The following SH3RF1 variants were observed in gnomAD, a reference collection of about 807,000 sequenced individuals.
SH3RF1 encodes SH3 domain containing ring finger 1.
Under a neutral mutation model 74.0 loss-of-function variants are expected in SH3RF1, and 32 were observed. The observed-to-expected ratio is 0.43, with a 90% CI of 0.33 to 0.58. SH3RF1 has a LOEUF of 0.58. SH3RF1 is among the 20% of genes least tolerant of loss of function. The pLI, the probability that SH3RF1 is intolerant of heterozygous loss-of-function variation, is 0.05. For missense variants in SH3RF1, 954 were observed against 1,130.9 expected (o/e 0.84, Z 2.24); for synonymous variants, 396 against 439.6 (o/e 0.90, Z 1.24).
At chr4:169,115,810 C>T (rs1733322758) in intron 10 of SH3RF1, among the ~76,000 whole-genome samples, 1 of 152,134 alleles carries the variant, frequency 6.6e-6, no homozygotes, top group African/African-American at 2.4e-5. Context: ...CCATAAGTAA[C>T]ACTTTTGATC....
rs1473809594 is a variant in SH3RF1, at chr4:169,238,027, T to C, written c.393+30793A>G. 2.6e-5 allele frequency among the ~76,000 whole-genome samples: 4 copies of C among 152,186 alleles called. No individual in the cohort carries two copies. In the East Asian group the frequency reaches 7.7e-4, roughly 29 times the overall value. On this transcript the variant is annotated intron_variant, in intron 2 of 11. Coordinates refer to ENST00000284637, the MANE Select transcript of SH3RF1 (RefSeq NM_020870.4). ...TACACTTGATGTCTCCTCTTAATAA[T>C]TTTCCCCTCTTAGTGAATTTTCCTC...
At chr4:169,119,185 C>A (rs1417558032) in intron 8 of SH3RF1, among the ~76,000 whole-genome samples, 2 of 151,680 alleles carry the variant, frequency 1.3e-5, no homozygotes, top group Non-Finnish European at 2.9e-5. Context: ...CTCACTGCAG[C>A]CTCCGCCTCC....
chr4:169,108,707 T>C (rs1733189953), intron 10 of SH3RF1, among the ~76,000 whole-genome samples: 1 of 152,256 alleles, frequency 6.6e-6, no homozygotes, highest in Non-Finnish European at 1.5e-5. Context: ...GCTTCACTCA[T>C]TCAATGCCAC....
At chr4:169,220,087 A>G (rs1730541322) in intron 2 of SH3RF1, 1 of 152,188 alleles carries the variant, frequency 6.6e-6, no homozygotes, top group African/African-American at 2.4e-5. Flanking sequence ...CAATCAGTCA[A>G]AGTGAATCAT....
At chr4:169,121,980 A>G in intron 7 of SH3RF1, 120 bp downstream of exon 7, 1 of 1,336,776 alleles carries the variant, frequency 7.5e-7, no homozygotes, top group Non-Finnish European at 1.0e-6. Flanking sequence ...CAGGACACAG[A>G]CCGCTTGGTG....
chr4:169,116,152 A>C, intron 10 of SH3RF1, 117 bp downstream of exon 10: 1 of 1,440,538 alleles, frequency 6.9e-7, no homozygotes, highest in Admixed American at 2.2e-5. Flanking sequence ...CGTAGGGAGC[A>C]CCTGAGGGTT....
intron 2 of SH3RF1, among the ~76,000 whole-genome samples, chr4:169,259,062 CT>C (rs1309277990): frequency 6.6e-6 from 1 of 152,114 alleles, no homozygotes; most frequent in Non-Finnish European, 1.5e-5. Context: ...CTAACTTTAG[CT>C]TTCTTTCTGT....
intron 2 of SH3RF1, among the ~76,000 whole-genome samples, chr4:169,233,261 A>C (rs899647317): frequency 6.7e-5 from 10 of 150,260 alleles, no homozygotes; most frequent in Admixed American, 1.3e-4. Flanking sequence ...AAAAAAAAAA[A>C]AAAAAAAAAA....
chr4:169,163,456 G>C (rs995823751), intron 2 of SH3RF1, among the ~76,000 whole-genome samples: 1 of 152,096 alleles, frequency 6.6e-6, no homozygotes, highest in Non-Finnish European at 1.5e-5. Flanking sequence ...AGTGGGCTAA[G>C]GGGCATTGCT....
At chr4:169,162,626 A>C (rs1004246014) in intron 2 of SH3RF1, among the ~76,000 whole-genome samples, 2 of 152,240 alleles carry the variant, frequency 1.3e-5, no homozygotes, top group African/African-American at 4.8e-5. Context: ...CAGCACTTTG[A>C]GGATGGCAGC....
intron 2 of SH3RF1, among the ~76,000 whole-genome samples, chr4:169,253,226 C>T (rs887999308): frequency 2.6e-5 from 4 of 152,218 alleles, no homozygotes; most frequent in Admixed American, 6.5e-5. Flanking sequence ...ACCAAACCTT[C>T]CTAGCATGTT....
chr4:169,119,653 T>TGAA, intron 8 of SH3RF1, among the ~76,000 whole-genome samples: 1 of 152,322 alleles, frequency 6.6e-6, no homozygotes, highest in South Asian at 2.1e-4. Context: ...ATGTTTATAT[T>TGAA]GATTAAAAAT....
intron 2 of SH3RF1, among the ~76,000 whole-genome samples, chr4:169,214,616 T>C (rs955971975): frequency 6.6e-6 from 1 of 152,216 alleles, no homozygotes; most frequent in Non-Finnish European, 1.5e-5. Flanking sequence ...TTTTGTAGTT[T>C]TCCTTGCACA....
chr4:169,238,964 G>GCC (rs33954575), intron 2 of SH3RF1, among the ~76,000 whole-genome samples: 6 of 146,876 alleles, frequency 4.1e-5, no homozygotes, highest in African/African-American at 1.5e-4. Context: ...GCTAATTTCC[G>GCC]CCCCCCCCCA....
intron 2 of SH3RF1, among the ~76,000 whole-genome samples, chr4:169,221,416 C>CA (rs1386587706): frequency 6.6e-6 from 1 of 152,110 alleles, no homozygotes; most frequent in South Asian, 2.1e-4. Flanking sequence ...CTAGTTTCCA[C>CA]AAAAATAAAA....
chr4:169,217,256 T>A (rs893685191), intron 2 of SH3RF1: 1 of 151,962 alleles, frequency 6.6e-6, no homozygotes, highest in African/African-American at 2.4e-5. Flanking sequence ...CTGAGCTGGG[T>A]TGGCTTGACA....
At chr4:169,124,092 T>G (rs1446200582) in intron 6 of SH3RF1, among the ~76,000 whole-genome samples, 1 of 152,022 alleles carries the variant, frequency 6.6e-6, no homozygotes, top group Non-Finnish European at 1.5e-5. Context: ...GTTTGACAGG[T>G]GAGATAATCG....
At chr4:169,232,120 T>C (rs963325844) in intron 2 of SH3RF1, among the ~76,000 whole-genome samples, 2 of 152,130 alleles carry the variant, frequency 1.3e-5, no homozygotes, top group Non-Finnish European at 2.9e-5. Flanking sequence ...TTTTAAACAC[T>C]GGATGGCCAG....
At chr4:169,119,470 T>G (rs1392082361) in intron 8 of SH3RF1, among the ~76,000 whole-genome samples, 1 of 151,886 alleles carries the variant, frequency 6.6e-6, no homozygotes, top group Non-Finnish European at 1.5e-5. Context: ...TTGATAAAGA[T>G]GTTTGACAAA....
Sources: gnomAD v4.1 joint callset for allele counts (sites outside exome capture counted in the v4.1 genomes callset) on GRCh38, gnomAD v4.1.1 for gene constraint, MANE v1.5 for transcripts, NCBI Gene and HGNC (gene_info 2026-07-23, HGNC 2026-07-21) for gene names.